The following CCDC181 variants were observed in gnomAD, a reference collection of about 807,000 sequenced individuals.
CCDC181 encodes coiled-coil domain containing 181.
In CCDC181, 35 loss-of-function variants were observed where a neutral mutation model predicts 58.7. The observed-to-expected ratio is 0.60, with a 90% CI of 0.46 to 0.79. CCDC181 has a LOEUF of 0.79. CCDC181 is among the 30% of genes least tolerant of loss of function. The pLI, the probability that CCDC181 is intolerant of heterozygous loss-of-function variation, is 0.00. For synonymous variants in CCDC181, 183 were observed against 197.5 expected, an observed-to-expected ratio of 0.93 and a Z score of 0.62; for missense variants, 517 against 583.9, an observed-to-expected ratio of 0.89 and a Z score of 1.18.
chr1:169,458,727 T>C (rs1357793324), intron 2 of CCDC181, among the ~76,000 whole-genome samples: 1 of 152,174 alleles, frequency 6.6e-6, no homozygotes, highest in East Asian at 1.9e-4. Flanking sequence ...ATACTGTATA[T>C]CTCTTATAAT....
chr1:169,429,651 A>G (rs1302439844), upstream of CCDC181, among the ~76,000 whole-genome samples: 3 of 151,882 alleles, frequency 2.0e-5, no homozygotes, highest in East Asian at 3.9e-4. Context: ...TGATGAGCTT[A>G]TTCGTTTTTT....
intron 2 of CCDC181, among the ~76,000 whole-genome samples, chr1:169,438,482 A>G (rs1051786555): frequency 7.9e-5 from 12 of 152,228 alleles, no homozygotes; most frequent in Non-Finnish European, 1.2e-4. Flanking sequence ...ATGAAGCCAT[A>G]GGCAAAAGAT....
intron 2 of CCDC181, among the ~76,000 whole-genome samples, chr1:169,458,687 T>C (rs1165434264): frequency 1.3e-5 from 2 of 152,214 alleles, no homozygotes; most frequent in African/African-American, 4.8e-5. Context: ...ATTTCATCTT[T>C]TGTATCTAAA....
Position 169,395,106 on chromosome 1 carries a change from G to A in CCDC181, c.1471C>T (p.Gln491Ter). Residue 491 changes from glutamine to a stop codon, truncating the protein, a stop_gained, in exon 6 of 6, where the codon CAG becomes TAG. Coordinates refer to ENST00000367806, the MANE Select transcript of CCDC181 (RefSeq NM_001300969.2). LOFTEE classifies it high-confidence loss of function. ...GCTTCTGACATATATAGGTGGTGCT[G>A]TAACTGTTTAGAACGCTTAGCTTCT... ...RLEAKRSKQL[Q>*]HHLYMSEAKP... 1.2e-6 allele frequency: 2 copies of A among 1,613,654 alleles called. No homozygotes were observed. The highest frequency in any genetic ancestry group is 1.1e-5 in the South Asian group (1 of 90,982).
chr1:169,418,867 G>A, intron 4 of CCDC181, 146 bp downstream of exon 4: 2 of 605,844 alleles, frequency 3.3e-6, no homozygotes, highest in Non-Finnish European at 5.8e-6. Context: ...GTAGTTATCT[G>A]CATGTTGCAT....
chr1:169,401,198 C>T (rs1302083168), intron 4 of CCDC181, among the ~76,000 whole-genome samples: 2 of 152,366 alleles, frequency 1.3e-5, no homozygotes, highest in East Asian at 3.9e-4. Context: ...GGCCTGCCTG[C>T]CTCTGTAGAC....
At chr1:169,401,380 T>A (rs1655338238) in intron 4 of CCDC181, among the ~76,000 whole-genome samples, 2 of 152,210 alleles carry the variant, frequency 1.3e-5, no homozygotes, top group African/African-American at 4.8e-5. Context: ...CCAAGTAGGC[T>A]AACTGGGAGA....
At chr1:169,419,631 G>C (rs559963420) in intron 3 of CCDC181, among the ~76,000 whole-genome samples, 1 of 152,196 alleles carries the variant, frequency 6.6e-6, no homozygotes, top group South Asian at 2.1e-4. Context: ...GAGCCCTAAA[G>C]TAGCCTGTAT....
At chr1:169,448,356 T>A (rs1164440277) in intron 2 of CCDC181, among the ~76,000 whole-genome samples, 1 of 152,214 alleles carries the variant, frequency 6.6e-6, no homozygotes, top group African/African-American at 2.4e-5. Context: ...TAATATTTCT[T>A]ACAGGGTAGA....
chr1:169,439,619 G>T (rs55940409), intron 2 of CCDC181, among the ~76,000 whole-genome samples: 12,831 of 152,158 alleles, frequency 0.084, 737 homozygotes, highest in Admixed American at 0.19. Context: ...TCTTTTAGCA[G>T]TTGCCATCCA....
intron 2 of CCDC181, among the ~76,000 whole-genome samples, chr1:169,438,146 T>G (rs12240219): frequency 0.12 from 18,450 of 152,002 alleles, 1,184 homozygotes; most frequent in Admixed American, 0.14. Flanking sequence ...AAAGACAAAT[T>G]TTTAGCACAA....
chr1:169,397,522 G>T (rs945164263), intron 4 of CCDC181, 131 bp from the exon 5 acceptor site: 6 of 707,992 alleles, frequency 8.5e-6, no homozygotes, highest in Non-Finnish European at 8.6e-6. Context: ...CTCATTACCT[G>T]CATTCCTAGT....
chr1:169,416,637 T>C (rs538735696), intron 4 of CCDC181, among the ~76,000 whole-genome samples: 9 of 152,360 alleles, frequency 5.9e-5, no homozygotes, highest in African/African-American at 2.2e-4. Flanking sequence ...TCTTTCAAGA[T>C]AATATTCTTT....
intron 4 of CCDC181, among the ~76,000 whole-genome samples, chr1:169,402,803 A>C (rs1420671196): frequency 1.3e-5 from 2 of 152,156 alleles, no homozygotes; most frequent in African/African-American, 2.4e-5. Context: ...TACACACATA[A>C]CAATATTAAC....
intron 4 of CCDC181, among the ~76,000 whole-genome samples, chr1:169,407,863 G>A (rs1269133256): frequency 6.6e-6 from 1 of 152,172 alleles, no homozygotes; most frequent in African/African-American, 2.4e-5. Flanking sequence ...GGGAAGCTGT[G>A]AGGGACTGTG....
chr1:169,397,863 C>T (rs1175981015), intron 4 of CCDC181, among the ~76,000 whole-genome samples: 1 of 152,124 alleles, frequency 6.6e-6, no homozygotes, highest in Non-Finnish European at 1.5e-5. Context: ...AAAGTGTCAC[C>T]TCATGTGGAT....
intron 1 of CCDC181, among the ~76,000 whole-genome samples, chr1:169,425,287 G>A (rs796283643): frequency 1.3e-5 from 2 of 152,104 alleles, no homozygotes; most frequent in East Asian, 1.9e-4. Flanking sequence ...CATTAGCTTC[G>A]CTTTGTTCTC....
intron 4 of CCDC181, among the ~76,000 whole-genome samples, chr1:169,404,749 C>T (rs1655554170): frequency 6.6e-6 from 1 of 152,174 alleles, no homozygotes; most frequent in African/African-American, 2.4e-5. Context: ...AAAACTGGCA[C>T]AAGACAGGGA....
intron 2 of CCDC181, among the ~76,000 whole-genome samples, chr1:169,423,479 CT>C (rs1656579264): frequency 6.6e-6 from 1 of 151,942 alleles, no homozygotes; most frequent in African/African-American, 2.4e-5. Context: ...AAATCTTCCC[CT>C]GACCCTCTTA....
Sources: gnomAD v4.1 joint callset for allele counts (sites outside exome capture counted in the v4.1 genomes callset) on GRCh38, gnomAD v4.1.1 for gene constraint, MANE v1.5 for transcripts, NCBI Gene and HGNC (gene_info 2026-07-23, HGNC 2026-07-21) for gene names.